The following DNAJC5B variants were observed in gnomAD, a reference collection of about 807,000 sequenced individuals.
DNAJC5B encodes DnaJ heat shock protein family (Hsp40) member C5 beta.
A neutral mutation model predicts 24.7 loss-of-function variants in DNAJC5B; 23 were observed. The observed-to-expected ratio is 0.93, with a 90% CI of 0.67 to 1.32. The LOEUF is 1.32. DNAJC5B is among the 40% of genes most tolerant of loss of function. The pLI, the probability that DNAJC5B is intolerant of heterozygous loss-of-function variation, is 0.00. For missense variants in DNAJC5B, 238 were observed against 240.8 expected (o/e 0.99, Z 0.08); for synonymous variants, 101 against 90.1 (o/e 1.12, Z -0.68).
chr8:66,037,982 G>T (rs1806525199), intron 1 of DNAJC5B, among the ~76,000 whole-genome samples: 1 of 152,254 alleles, frequency 6.6e-6, no homozygotes, highest in Non-Finnish European at 1.5e-5. Flanking sequence ...CAGGAGGCAG[G>T]CAGAGGGACT....
intron 2 of DNAJC5B, among the ~76,000 whole-genome samples, chr8:66,043,817 G>GA (rs1437391841): frequency 7.1e-6 from 1 of 141,310 alleles, no homozygotes; most frequent in African/African-American, 2.9e-5. Context: ...GCAATGAAAA[G>GA]AACCTTTTTT....
chr8:66,076,865 T>G lies in DNAJC5B; in HGVS notation c.325T>G (p.Trp109Gly). Residue 109 changes from tryptophan (W) to glycine (G), a missense_variant, in exon 4 of 6, where the codon TGG (tryptophan) becomes GGG (glycine). Coordinates refer to ENST00000276570, the MANE Select transcript of DNAJC5B (RefSeq NM_033105.6). ...CACCTACTTCATGCTGTCGAGCTGGTGGGCAAAGGTGAAACTGAATTTCCT... is the reference window on the plus strand; with the variant it reads ...CACCTACTTCATGCTGTCGAGCTGGGGGGCAAAGGTGAAACTGAATTTCCT... Reference protein sequence around the residue: ...VNTYFMLSSWWAKALFVIVGL... With the variant: ...VNTYFMLSSWGAKALFVIVGL... The G allele has an allele frequency of 6.2e-7, 1 of 1,614,076 alleles. No individual in the cohort carries two copies. The highest frequency in any genetic ancestry group is 2.2e-5 in the East Asian group (1 of 44,890).
chr8:66,073,521 G>A (rs1807396451), intron 3 of DNAJC5B, among the ~76,000 whole-genome samples: 1 of 151,916 alleles, frequency 6.6e-6, no homozygotes, highest in African/African-American at 2.4e-5. Flanking sequence ...GTGTGTGTGT[G>A]TAAATTGACA....
At chr8:66,049,926 A>G (rs1806810400) in intron 2 of DNAJC5B, among the ~76,000 whole-genome samples, 1 of 152,208 alleles carries the variant, frequency 6.6e-6, no homozygotes, top group East Asian at 1.9e-4. Context: ...GATGATGAAG[A>G]GGAAATACAT....
intron 1 of DNAJC5B, among the ~76,000 whole-genome samples, chr8:66,042,693 C>T (rs1563591048): frequency 8.4e-6 from 1 of 118,446 alleles, no homozygotes; most frequent in African/African-American, 3.6e-5. Context: ...TCCCTCCTCT[C>T]TCCCCCTCCC....
intron 1 of DNAJC5B, among the ~76,000 whole-genome samples, chr8:66,027,439 A>G (rs1003514311): frequency 6.6e-6 from 1 of 152,212 alleles, no homozygotes; most frequent in African/African-American, 2.4e-5. Context: ...TGATGGCCAC[A>G]CAAATGGAGC....
chr8:66,086,965 C>A (rs1240245296), intron 5 of DNAJC5B, among the ~76,000 whole-genome samples: 1 of 152,098 alleles, frequency 6.6e-6, no homozygotes, highest in Non-Finnish European at 1.5e-5. Context: ...TCTTCTTATA[C>A]CTTACTATAC....
At chr8:66,057,536 C>A (rs566286768) in intron 3 of DNAJC5B, 3 of 152,250 alleles carry the variant, frequency 2.0e-5, no homozygotes, top group African/African-American at 7.2e-5. Flanking sequence ...GCTGGAAATT[C>A]CCCACATTTG....
chr8:66,056,052 C>T (rs751325002), intron 3 of DNAJC5B, among the ~76,000 whole-genome samples: 2 of 152,132 alleles, frequency 1.3e-5, no homozygotes, highest in Non-Finnish European at 1.5e-5. Flanking sequence ...TTGGAAATAA[C>T]ACAAGAGACA....
intron 1 of DNAJC5B, among the ~76,000 whole-genome samples, chr8:66,037,250 T>C (rs1806507721): frequency 2.0e-5 from 3 of 152,214 alleles, no homozygotes; most frequent in African/African-American, 7.2e-5. Context: ...CTCTGGTAGC[T>C]TCCCACTGAC....
the DNAJC5B span, among the ~76,000 whole-genome samples, chr8:66,016,111 T>A: frequency 1.3e-5 from 2 of 152,242 alleles, no homozygotes; most frequent in Non-Finnish European, 1.5e-5. Context: ...TGGTGCCTTA[T>A]GGCCACATCC....
intron 3 of DNAJC5B, among the ~76,000 whole-genome samples, chr8:66,060,837 C>A (rs1807065322): frequency 6.6e-6 from 1 of 152,194 alleles, no homozygotes; most frequent in Non-Finnish European, 1.5e-5. Context: ...TTGAGCACCG[C>A]CTCTGTGTTG....
Position 66,051,599 on chromosome 8 carries a change from G to A in DNAJC5B, c.52G>A (p.Glu18Lys), listed in dbSNP as rs1806845858. ...ACAGCGGACTCTGTCAACAACAGGA[G>A]AAGCTCTATACGAAATTCTTGGTCT... ...QRQRTLSTTG[E>K]ALYEILGLHK... is the part of the protein sequence containing the mutation. Residue 18 changes from glutamate (E) to lysine (K), a missense_variant, in exon 3 of 6, where the codon GAA (glutamate) becomes AAA (lysine). Coordinates refer to ENST00000276570, the MANE Select transcript of DNAJC5B (RefSeq NM_033105.6). 6.2e-7 allele frequency: 1 copy of A among 1,614,128 alleles called. No homozygotes were observed. Among genetic ancestry groups the A allele is most frequent in the South Asian group, 1.1e-5 (1 of 91,074 alleles).
intron 1 of DNAJC5B, among the ~76,000 whole-genome samples, chr8:66,028,288 G>A (rs770738168): frequency 5.3e-5 from 8 of 152,110 alleles, no homozygotes; most frequent in African/African-American, 9.7e-5. Context: ...CTCTACCTGC[G>A]CTTTGACAAC....
In DNAJC5B at chr8:66,100,979, T is replaced by C. The variant is rs907126901; in HGVS notation, c.*948T>C. ...TTGCTTGTTTGATTCTTGTATTTAT[T>C]ATGTGGTAGAAACCATGTGCTATTT... On this transcript the variant is annotated 3_prime_UTR_variant, in exon 6 of 6. Coordinates refer to ENST00000276570, the MANE Select transcript of DNAJC5B (RefSeq NM_033105.6). 1.3e-5 allele frequency among the ~76,000 whole-genome samples: 2 copies of C among 152,348 alleles called. 1 individual carries two copies. The highest frequency in any genetic ancestry group is 4.1e-4 in the South Asian group (2 of 4,830).
intron 5 of DNAJC5B, among the ~76,000 whole-genome samples, chr8:66,092,176 C>A (rs933094785): frequency 6.6e-6 from 1 of 152,138 alleles, no homozygotes; most frequent in Non-Finnish European, 1.5e-5. Flanking sequence ...TTATGTGAAT[C>A]TCATCTCAAT....
intron 4 of DNAJC5B, among the ~76,000 whole-genome samples, chr8:66,079,418 T>C (rs1807542018): frequency 6.6e-6 from 1 of 152,134 alleles, no homozygotes; most frequent in African/African-American, 2.4e-5. Flanking sequence ...GAAATGCAAC[T>C]GGGGACAAAG....
At chr8:66,049,644 A>G (rs1406487819) in intron 2 of DNAJC5B, among the ~76,000 whole-genome samples, 1 of 152,226 alleles carries the variant, frequency 6.6e-6, no homozygotes, top group Non-Finnish European at 1.5e-5. Flanking sequence ...CTCGGAACAT[A>G]GCCTCATCGT....
At chr8:66,051,248 T>G (rs1000310219) in intron 2 of DNAJC5B, among the ~76,000 whole-genome samples, 7 of 152,156 alleles carry the variant, frequency 4.6e-5, no homozygotes, top group Non-Finnish European at 1.0e-4. Flanking sequence ...TGAGGATTGA[T>G]TCTCAACAAT....
Sources: gnomAD v4.1 joint callset for allele counts (sites outside exome capture counted in the v4.1 genomes callset) on GRCh38, gnomAD v4.1.1 for gene constraint, MANE v1.5 for transcripts, NCBI Gene and HGNC (gene_info 2026-07-23, HGNC 2026-07-21) for gene names.